Variants in ZBTB7C observed in about 807,000 individuals in gnomAD.
The protein encoded by ZBTB7C is zinc finger and BTB domain containing 7C.
In ZBTB7C, 8 loss-of-function variants were observed where a neutral mutation model predicts 25.7. The observed-to-expected ratio is 0.31, with a 90% CI of 0.18 to 0.56. The LOEUF is 0.56. Among genes scored for constraint, ZBTB7C ranks in the 20% least tolerant of loss-of-function variants. ZBTB7C has a pLI of 0.91. For missense variants in ZBTB7C, 824 were observed against 855.2 expected, an observed-to-expected ratio of 0.96 and a Z score of 0.46; for synonymous variants, 394 against 369.0, an observed-to-expected ratio of 1.07 and a Z score of -0.78.
intron 1 of ZBTB7C, among the ~76,000 whole-genome samples, chr18:48,388,671 C>G (rs1211263032): frequency 1.3e-5 from 2 of 152,260 alleles, no homozygotes; most frequent in East Asian, 3.9e-4. Context: ...ACTGCTTGAG[C>G]CCAGGAGGTC....
intron 3 of ZBTB7C, among the ~76,000 whole-genome samples, chr18:48,136,614 G>C (rs2040174501): frequency 6.6e-6 from 1 of 152,152 alleles, no homozygotes; most frequent in African/African-American, 2.4e-5. Context: ...ACTCCCTCTC[G>C]GAGTGCCCTT....
chr18:48,100,396 AT>A (rs1372780297), intron 3 of ZBTB7C, among the ~76,000 whole-genome samples: 7 of 152,058 alleles, frequency 4.6e-5, no homozygotes, highest in African/African-American at 1.7e-4. Context: ...GCATCTTATT[AT>A]TCTCCCGCTC....
At chr18:48,259,300 G>A (rs533224918) in intron 2 of ZBTB7C, among the ~76,000 whole-genome samples, 5 of 126,398 alleles carry the variant, frequency 4.0e-5, no homozygotes, top group African/African-American at 1.8e-4. Flanking sequence ...ATGGGAAAAG[G>A]ATAGTCTTTT....
chr18:48,063,807 C>T (rs767631763), intron 3 of ZBTB7C, among the ~76,000 whole-genome samples: 2 of 152,108 alleles, frequency 1.3e-5, no homozygotes, highest in African/African-American at 2.4e-5. Context: ...AATGTAAAAG[C>T]GTCCATGGTA....
chr18:48,030,731 C>T (rs2035709413), intron 4 of ZBTB7C, among the ~76,000 whole-genome samples: 1 of 152,246 alleles, frequency 6.6e-6, no homozygotes, highest in Admixed American at 6.5e-5. Context: ...CTTAACCTCA[C>T]TGCCCAGAGC....
At chr18:48,077,982 G>C (rs183363197) in intron 3 of ZBTB7C, among the ~76,000 whole-genome samples, 4 of 152,042 alleles carry the variant, frequency 2.6e-5, no homozygotes, top group African/African-American at 9.6e-5. Context: ...CTTGGGGTGG[G>C]GGGGAGGGCA....
chr18:48,221,841 T>TCCTCTATACTGTCCTAGTCG (rs2042968131), intron 2 of ZBTB7C, among the ~76,000 whole-genome samples: 1 of 107,890 alleles, frequency 9.3e-6, no homozygotes, highest in Admixed American at 9.4e-5. Context: ...TGTCCTAGTC[T>TCCTCTATACTGTCCTAGTCG]CCCTCTATGC....
intron 3 of ZBTB7C, among the ~76,000 whole-genome samples, chr18:48,104,622 T>C (rs2038964610): frequency 6.6e-6 from 1 of 152,238 alleles, no homozygotes; most frequent in Non-Finnish European, 1.5e-5. Flanking sequence ...AAAAGGCATA[T>C]AGAAGGCATT....
At chr18:48,097,934 C>CTA (rs1365540780) in intron 3 of ZBTB7C, among the ~76,000 whole-genome samples, 1 of 151,618 alleles carries the variant, frequency 6.6e-6, no homozygotes, top group Non-Finnish European at 1.5e-5. Flanking sequence ...CCTGTGTTAC[C>CTA]ACCCAGCCTC....
chr18:48,141,945 T>TTGAA (rs1421748413), intron 3 of ZBTB7C, among the ~76,000 whole-genome samples: 2 of 152,244 alleles, frequency 1.3e-5, no homozygotes, highest in African/African-American at 4.8e-5. Context: ...TCAGATTTTA[T>TTGAA]TGAAATGTAT....
intron 3 of ZBTB7C, among the ~76,000 whole-genome samples, chr18:48,046,972 C>A (rs140349386): frequency 5.3e-4 from 80 of 152,334 alleles, no homozygotes; most frequent in African/African-American, 1.9e-3. Context: ...TGACTTCTCA[C>A]TGCGCCTTGG....
rs144645248 is a variant in ZBTB7C at position 48,215,098 on chromosome 18, C to T, written c.-78-29103G>A. Among the ~76,000 whole-genome samples the T allele has an allele frequency of 4.0e-3, 612 of 152,326 alleles. 3 individuals carry two copies. Among genetic ancestry groups the T allele is most frequent in the African/African-American group, 0.014 (584 of 41,562 alleles). On this transcript the variant is annotated intron_variant, in intron 2 of 4. Transcript: ENST00000590800. ...TAAAATACATTGATTAATGATAAAT[C>T]TCCTCCAGGTTCTAGGTTAAAAAGA...
chr18:48,133,864 T>C (rs900676134), intron 3 of ZBTB7C, among the ~76,000 whole-genome samples: 3 of 152,124 alleles, frequency 2.0e-5, no homozygotes, highest in Non-Finnish European at 2.9e-5. Flanking sequence ...TGAACAGCTC[T>C]CTCCCTGGCC....
intron 3 of ZBTB7C, among the ~76,000 whole-genome samples, chr18:48,114,144 T>G (rs890007334): frequency 1.3e-5 from 2 of 152,130 alleles, no homozygotes; most frequent in African/African-American, 2.4e-5. Flanking sequence ...ATCCACACTA[T>G]AGGTGAGGAT....
At chr18:48,054,326 C>CGCTCTGT (rs1380654362) in intron 3 of ZBTB7C, among the ~76,000 whole-genome samples, 2 of 152,138 alleles carry the variant, frequency 1.3e-5, no homozygotes, top group African/African-American at 4.8e-5. Context: ...CCCAGGAAGC[C>CGCTCTGT]GCTCTGCATT....
intron 1 of ZBTB7C, among the ~76,000 whole-genome samples, chr18:48,353,468 G>A (rs1308413225): frequency 6.6e-6 from 1 of 152,092 alleles, no homozygotes; most frequent in African/African-American, 2.4e-5. Context: ...CCTTGTCATG[G>A]CACTGTTTGG....
chr18:48,320,588 C>T (rs1483237885), intron 2 of ZBTB7C, among the ~76,000 whole-genome samples: 3 of 152,208 alleles, frequency 2.0e-5, no homozygotes, highest in Non-Finnish European at 2.9e-5. Flanking sequence ...CATGATGACA[C>T]AGCTGCTGCT....
rs528631312 is a variant in ZBTB7C, at chr18:48,347,181, C to T, written c.-303-8783G>A. Among the ~76,000 whole-genome samples the T allele has an allele frequency of 1.9e-4, 27 of 142,722 alleles. 1 individual carries two copies. The highest frequency in any genetic ancestry group is 1.4e-3 in the Admixed American group (20 of 14,008). The allele number at this position is 142,722 out of a possible 152,430, so 93.6% of individuals were successfully genotyped here. ...AGTCTCGCTCTGTTACCCAGGCTCA[C>T]GGCAACTTCCTCCTCCTGGATTCAA... On this transcript the variant is annotated intron_variant, in intron 1 of 4. Transcript: ENST00000590800.
intron 1 of ZBTB7C, among the ~76,000 whole-genome samples, chr18:48,380,123 C>CAA (rs571946747): frequency 6.6e-6 from 1 of 151,624 alleles, no homozygotes. Flanking sequence ...TATAATTTGA[C>CAA]AAAAAAAATC....
Sources: gnomAD v4.1 joint callset for allele counts (sites outside exome capture counted in the v4.1 genomes callset) on GRCh38, gnomAD v4.1.1 for gene constraint, MANE v1.5 for transcripts, NCBI Gene and HGNC (gene_info 2026-07-23, HGNC 2026-07-21) for gene names.